Variants in RFX4 observed in about 807,000 individuals in gnomAD.
RFX4 encodes the protein transcription factor RFX4.
In RFX4, 10 loss-of-function variants were observed where a neutral mutation model predicts 95.0. That is an observed-to-expected ratio of 0.11 (90% CI 0.06 to 0.18). The LOEUF is 0.18. Ranked by LOEUF, RFX4 falls within the 10% of genes least tolerant of loss-of-function variation. The pLI, the probability that RFX4 is intolerant of heterozygous loss-of-function variation, is 1.00. For synonymous variants in RFX4, 321 were observed against 340.7 expected (o/e 0.94, Z 0.64); for missense variants, 640 against 922.0 (o/e 0.69, Z 3.96).
intron 4 of RFX4, among the ~76,000 whole-genome samples, chr12:106,665,086 T>G (rs2041149235): frequency 6.6e-6 from 1 of 151,840 alleles, no homozygotes; most frequent in African/African-American, 2.4e-5. Context: ...AGAGGGGTAT[T>G]GAAGTTTCCA....
intron 1 of RFX4, among the ~76,000 whole-genome samples, chr12:106,594,340 C>T (rs1226475525): frequency 6.6e-6 from 1 of 152,140 alleles, no homozygotes; most frequent in East Asian, 1.9e-4. Flanking sequence ...AGGCTTTGGT[C>T]TCCGTGAACT....
At chr12:106,677,321 G>A (rs538542589) in intron 4 of RFX4, among the ~76,000 whole-genome samples, 12 of 152,160 alleles carry the variant, frequency 7.9e-5, no homozygotes, top group Non-Finnish European at 1.8e-4. Flanking sequence ...GAAACAGTGT[G>A]GCCTTGGCAT....
chr12:106,655,708 T>C (rs952763660), intron 4 of RFX4, among the ~76,000 whole-genome samples: 1 of 152,162 alleles, frequency 6.6e-6, no homozygotes, highest in Non-Finnish European at 1.5e-5. Flanking sequence ...AATCCTGACT[T>C]TCCTGGACTT....
At chr12:106,666,430 C>A (rs2041177741) in intron 4 of RFX4, among the ~76,000 whole-genome samples, 1 of 152,006 alleles carries the variant, frequency 6.6e-6, no homozygotes, top group Admixed American at 6.6e-5. Context: ...TCTTAGCTTT[C>A]TGAATCTGTG....
At chr12:106,665,032 C>A (rs2041147315) in intron 4 of RFX4, among the ~76,000 whole-genome samples, 1 of 151,812 alleles carries the variant, frequency 6.6e-6, no homozygotes, top group Non-Finnish European at 1.5e-5. Context: ...TTAATTGATT[C>A]ATGTCCTTAC....
chr12:106,601,423 T>C (rs752659173), intron 1 of RFX4: 27 of 1,431,870 alleles, frequency 1.9e-5, no homozygotes, highest in Non-Finnish European at 2.5e-5. Context: ...AGGCCCGCCT[T>C]GGTAGCTGTG....
chr12:106,685,058 A>T, intron 5 of RFX4: 3 of 1,325,792 alleles, frequency 2.3e-6, no homozygotes, highest in East Asian at 2.9e-5. Context: ...AGAGAAAAGT[A>T]GTTAATATGT....
chr12:106,652,503 C>T (rs2040873646), intron 3 of RFX4, among the ~76,000 whole-genome samples: 1 of 152,176 alleles, frequency 6.6e-6, no homozygotes, highest in African/African-American at 2.4e-5. Flanking sequence ...TTGACTCAGA[C>T]ACTATCCCAG....
intron 10 of RFX4, 121 bp from the exon 11 acceptor site, chr12:106,715,279 C>T (rs773451853): frequency 6.8e-5 from 78 of 1,152,738 alleles, no homozygotes; most frequent in Admixed American, 2.5e-4. Context: ...TTGAATTTCC[C>T]GGAATTTCAG....
chr12:106,591,259 TCCC>T (rs2039538370), intron 1 of RFX4, among the ~76,000 whole-genome samples: 2 of 106,476 alleles, frequency 1.9e-5, no homozygotes, highest in Non-Finnish European at 3.5e-5. Flanking sequence ...GTTAAAATAG[TCCC>T]TTTTTTTTTT....
At chr12:106,757,854 A>G (rs1037272125) in intron 17 of RFX4, among the ~76,000 whole-genome samples, 29 of 152,158 alleles carry the variant, frequency 1.9e-4, no homozygotes, top group Admixed American at 1.8e-3. Flanking sequence ...TCTTCCTAAT[A>G]TGGTTCCAAA....
chr12:106,695,200 C>G (rs538187843), intron 7 of RFX4, among the ~76,000 whole-genome samples: 1 of 152,134 alleles, frequency 6.6e-6, no homozygotes, highest in African/African-American at 2.4e-5. Context: ...GAGAAGGAAA[C>G]ATGATCCAGA....
intron 6 of RFX4, 104 bp from the exon 7 acceptor site, chr12:106,689,183 T>TCC: frequency 1.1e-6 from 1 of 947,682 alleles, no homozygotes. Context: ...GTGAATTGCA[T>TCC]CCCCCCCACA....
intron 13 of RFX4, among the ~76,000 whole-genome samples, chr12:106,728,569 T>G (rs1565997231): frequency 6.6e-6 from 1 of 152,118 alleles, no homozygotes; most frequent in Non-Finnish European, 1.5e-5. Context: ...CAGGTTATAG[T>G]ATTTAACTTC....
intron 2 of RFX4, among the ~76,000 whole-genome samples, chr12:106,637,190 C>T (rs1202572457): frequency 1.3e-5 from 2 of 152,042 alleles, no homozygotes; most frequent in Non-Finnish European, 1.5e-5. Flanking sequence ...GGGTCATTCT[C>T]CTTGAACACA....
chr12:106,711,319 C>A, intron 9 of RFX4, 134 bp from the exon 10 acceptor site: 1 of 730,856 alleles, frequency 1.4e-6, no homozygotes, highest in Non-Finnish European at 2.4e-6. Context: ...CCAGTGGGTA[C>A]ATAAAATGGG....
At chr12:106,713,016 G>A (rs1402598166) in intron 10 of RFX4, among the ~76,000 whole-genome samples, 7 of 152,112 alleles carry the variant, frequency 4.6e-5, no homozygotes, top group East Asian at 3.9e-4. Flanking sequence ...GCACACACAC[G>A]TTCCCTCTCC....
Position 106,720,784 on chromosome 12 carries a change from T to C in RFX4, c.1259T>C (p.Leu420Ser). Residue 420 changes from leucine to serine, a missense_variant, in exon 13 of 18, where the codon TTG (leucine) becomes TCG (serine). Around this residue, in one of 7 missense-constraint regions of RFX4, gnomAD observed 72 missense variants for 80.5 expected, o/e 0.89. Coordinates refer to ENST00000392842, the MANE Select transcript of RFX4 (RefSeq NM_213594.3). The surrounding 1 kb of genome is among the most constrained non-coding windows in gnomAD (Gnocchi z 4.2). ...GTGGCTGCCAAGAGACAAGGGTCCT[T>C]GAAGAAAGTGGCCCAGCAGTTCCTC... ...VKVAAKRQGS[L>S]KKVAQQFLLM... 1.2e-6 allele frequency: 2 copies of C among 1,614,002 alleles called. No individual in the cohort carries two copies. Among genetic ancestry groups the C allele is most frequent in the South Asian group, 2.2e-5 (2 of 91,066 alleles).
intron 2 of RFX4, among the ~76,000 whole-genome samples, chr12:106,627,089 T>G (rs1163465592): frequency 6.6e-6 from 1 of 152,162 alleles, no homozygotes; most frequent in Non-Finnish European, 1.5e-5. Flanking sequence ...TCACTCTGAG[T>G]GTACACTTCT....
Sources: allele counts gnomAD v4.1 joint callset (sites outside exome capture counted in the v4.1 genomes callset), GRCh38; gene constraint gnomAD v4.1.1; regional missense constraint gnomAD v4.1.1; non-coding constraint Gnocchi (gnomAD v3.1); transcripts MANE v1.5; gene names NCBI Gene and HGNC (gene_info 2026-07-23, HGNC 2026-07-21).